The following MILR1 variants were observed in gnomAD, a reference collection of about 807,000 sequenced individuals.
MILR1 encodes mast cell immunoglobulin like receptor 1, also known as allergin-1.
A neutral mutation model predicts 18.5 loss-of-function variants in MILR1; 31 were observed. That is an observed-to-expected ratio of 1.68 (90% CI 1.26 to 2.26). MILR1 has a LOEUF of 2.26. Ranked by LOEUF, MILR1 falls within the 30% of genes most tolerant of loss-of-function variation. The pLI, the probability that MILR1 is intolerant of heterozygous loss-of-function variation, is 0.00. For synonymous variants in MILR1, 85 were observed against 56.2 expected (o/e 1.51, Z -2.30); for missense variants, 257 against 157.4 (o/e 1.63, Z -3.38).
the MILR1 span, chr17:64,490,849 G>A: frequency 1.2e-6 from 2 of 1,613,524 alleles, no homozygotes; most frequent in Non-Finnish European, 8.5e-7. Flanking sequence ...TGATCTCCTA[G>A]GTTCCACAGG....
In MILR1 at chr17:64,466,656, G is replaced by A. The variant is rs782089565; in HGVS notation, c.973G>A (p.Glu325Lys). The change falls in exon 8 of 10, where the codon GAG (glutamate) becomes AAG (lysine). Residue 325 changes from glutamate to lysine, a missense_variant. Glu to Lys is a moderately conservative substitution (Grantham distance 56, BLOSUM62 1). Transcript: ENST00000619286. Reference sequence around the variant, plus strand: ...CGTGTTCCAGGAGGTGGCACCAAGAGAGCAAGGTGAGCCACAGGTTGGGAT... The same window carrying A: ...CGTGTTCCAGGAGGTGGCACCAAGAAAGCAAGGTGAGCCACAGGTTGGGAT... ...TPVFQEVAPR[E>K]QEACDSYKSG... 5 of 1,605,306 alleles carry A rather than the reference G, an allele frequency of 3.1e-6. No individual in the cohort carries two copies. The highest frequency in any genetic ancestry group is 2.2e-5 in the East Asian group (1 of 44,578).
Position 64,468,328 on chromosome 17 carries a change from G to C in MILR1, c.*47G>C, listed in dbSNP as rs1294535373. 8.8e-6 allele frequency: 4 copies of C among 452,436 alleles called. No homozygotes were observed. Among genetic ancestry groups the C allele is most frequent in the African/African-American group, 8.1e-5 (4 of 49,246 alleles). The allele number at this position is 452,436 out of a possible 1,614,324, so 28.0% of individuals were successfully genotyped here. The stretch of plus-strand genomic sequence containing the variant: ...TTTTGAGATGGAGTCTCACTCTGTT[G>C]CCCAGGCTGGAGTTCAGTAGCGCGA... On this transcript the variant is annotated 3_prime_UTR_variant, in exon 10 of 10. Coordinates refer to ENST00000619286, the MANE Select transcript of MILR1 (RefSeq NM_001085423.2).
chr17:64,458,749 T>G (rs2037358643), intron 4 of MILR1, among the ~76,000 whole-genome samples: 1 of 151,902 alleles, frequency 6.6e-6, no homozygotes, highest in Admixed American at 6.6e-5. Flanking sequence ...CTCCCACTTT[T>G]CTGCTCCACA....
downstream of MILR1, among the ~76,000 whole-genome samples, chr17:64,472,285 G>C (rs782363032): frequency 6.6e-6 from 1 of 151,490 alleles, no homozygotes; most frequent in Non-Finnish European, 1.5e-5. Flanking sequence ...TGTCCAACAC[G>C]GTGAAACCCC....
the MILR1 span, chr17:64,497,018 A>G: frequency 2.3e-5 from 34 of 1,507,626 alleles, no homozygotes; most frequent in African/African-American, 4.2e-4. Context: ...ACGGATCCCA[A>G]CAAGCCACCA....
chr17:64,492,337 A>C, the MILR1 span, among the ~76,000 whole-genome samples: 1 of 152,234 alleles, frequency 6.6e-6, no homozygotes, highest in East Asian at 1.9e-4. Flanking sequence ...TAATATGGAA[A>C]GTTCATGGAG....
At chr17:64,489,086 C>T in the MILR1 span, among the ~76,000 whole-genome samples, 9 of 147,402 alleles carry the variant, frequency 6.1e-5, no homozygotes, top group South Asian at 4.2e-4. Flanking sequence ...AGTGCAGCAG[C>T]ACAGTCTTGG....
chr17:64,489,116 C>A, the MILR1 span, among the ~76,000 whole-genome samples: 1 of 147,244 alleles, frequency 6.8e-6, no homozygotes, highest in Non-Finnish European at 1.5e-5. Context: ...GATCCTGGAA[C>A]AATATATTGC....
chr17:64,493,165 C>T, the MILR1 span: 3 of 909,392 alleles, frequency 3.3e-6, no homozygotes, highest in Admixed American at 3.9e-5. Flanking sequence ...CGCCTATAAT[C>T]CCAGCACTTT....
At chr17:64,462,565 T>C (rs1390977880) in intron 5 of MILR1, among the ~76,000 whole-genome samples, 1 of 151,938 alleles carries the variant, frequency 6.6e-6, no homozygotes, top group African/African-American at 2.4e-5. Flanking sequence ...TGTTTGGGGC[T>C]GGAAGTATTG....
At chr17:64,485,740 A>G in the MILR1 span, 1 of 1,612,990 alleles carries the variant, frequency 6.2e-7, no homozygotes, top group Non-Finnish European at 8.5e-7. Context: ...TTCTATGAAG[A>G]TTTTTCTTTC....
intron 9 of MILR1, chr17:64,468,067 T>C (rs2037619539): frequency 2.8e-6 from 1 of 357,946 alleles, no homozygotes; most frequent in Non-Finnish European, 5.4e-6. Context: ...AGAGTTGAGT[T>C]GTGGGGGAGG....
intron 5 of MILR1, among the ~76,000 whole-genome samples, chr17:64,464,652 T>C (rs1041057075): frequency 1.4e-4 from 22 of 152,162 alleles, no homozygotes; most frequent in African/African-American, 5.3e-4. Context: ...TAGAATTCAG[T>C]GAGGCTGGCC....
intron 8 of MILR1, among the ~76,000 whole-genome samples, chr17:64,466,964 CCT>C (rs1179781519): frequency 3.3e-5 from 5 of 151,426 alleles, no homozygotes; most frequent in African/African-American, 7.3e-5. Context: ...TCCCTCCCTC[CCT>C]CTCTCTCTTT....
chr17:64,486,341 TAG>T, the MILR1 span, among the ~76,000 whole-genome samples: 1,655 of 149,898 alleles, frequency 0.011, 26 homozygotes, highest in Non-Finnish European at 0.018. Context: ...AGCTCAGAGT[TAG>T]TATTCAGAAA....
the MILR1 span, chr17:64,497,165 C>G: frequency 1.5e-6 from 1 of 653,786 alleles, no homozygotes; most frequent in Non-Finnish European, 2.7e-6. Context: ...TGGCGGACGC[C>G]GGCTCGGATG....
At chr17:64,490,978 G>T in the MILR1 span, 3 of 1,606,892 alleles carry the variant, frequency 1.9e-6, no homozygotes, top group South Asian at 2.2e-5. Flanking sequence ...AACTGGAAAA[G>T]AAAATTTAAG....
the MILR1 span, chr17:64,492,796 A>G: frequency 1.3e-6 from 2 of 1,596,558 alleles, no homozygotes; most frequent in East Asian, 4.5e-5. Flanking sequence ...ACGTATCAGG[A>G]AGTTAGCTTA....
chr17:64,466,997 CTCTT>C (rs1383930948), intron 8 of MILR1, among the ~76,000 whole-genome samples: 25 of 151,830 alleles, frequency 1.6e-4, no homozygotes, highest in South Asian at 2.1e-4. Flanking sequence ...CTTTCTGTCT[CTCTT>C]TATTTTTTCT....
Sources: allele counts gnomAD v4.1 joint callset (sites outside exome capture counted in the v4.1 genomes callset), GRCh38; gene constraint gnomAD v4.1.1; transcripts MANE v1.5; gene names NCBI Gene and HGNC (gene_info 2026-07-23, HGNC 2026-07-21).